The following UXS1 variants were observed in gnomAD, a reference collection of about 807,000 sequenced individuals.
UXS1 encodes the protein UDP-glucuronate decarboxylase 1, also known as UDP-glucuronic acid decarboxylase 1.
A neutral mutation model predicts 62.6 loss-of-function variants in UXS1; 33 were observed. That is an observed-to-expected ratio of 0.53 (90% CI 0.40 to 0.70). UXS1 has a LOEUF of 0.70. Ranked by LOEUF, UXS1 falls within the 30% of genes least tolerant of loss-of-function variation. The probability of loss-of-function intolerance (pLI) is 0.00; values close to 1 mark genes in which losing one functional copy is unlikely to be tolerated. For missense variants in UXS1, 434 were observed against 556.3 expected, an observed-to-expected ratio of 0.78 and a Z score of 2.21; for synonymous variants, 213 against 206.8, an observed-to-expected ratio of 1.03 and a Z score of -0.26.
At position 106,104,780 on chromosome 2, in the gene UXS1, C is replaced by A. The variant is rs1286156402; in HGVS notation, c.923+14G>T. 2.5e-6 allele frequency: 4 copies of A among 1,613,838 alleles called. No homozygotes were observed. In the African/African-American group the frequency reaches 4.0e-5, roughly 16 times the overall value. On this transcript the variant is annotated intron_variant, in intron 11 of 14. Coordinates refer to ENST00000283148, the MANE Select transcript of UXS1 (RefSeq NM_001253875.2). Reference sequence around the variant, plus strand: ...AAGCACTGCTAAGGCTGGGGCAGGGCAGGACAGTCTTACCTGACGTACTGG... The same window carrying A: ...AAGCACTGCTAAGGCTGGGGCAGGGAAGGACAGTCTTACCTGACGTACTGG...
chr2:106,136,938 A>G (rs1048522498), intron 6 of UXS1, among the ~76,000 whole-genome samples: 5 of 147,440 alleles, frequency 3.4e-5, no homozygotes, highest in African/African-American at 1.2e-4. Context: ...AGAAAAAAAA[A>G]AAGAATGGAG....
chr2:106,108,684 G>A (rs888635586), intron 10 of UXS1, among the ~76,000 whole-genome samples: 3 of 152,178 alleles, frequency 2.0e-5, no homozygotes, highest in Non-Finnish European at 2.9e-5. Context: ...CTGTGTGCAG[G>A]TCAAAGCAGC....
At chr2:106,174,503 T>C (rs1683754954) in intron 1 of UXS1, among the ~76,000 whole-genome samples, 1 of 152,204 alleles carries the variant, frequency 6.6e-6, no homozygotes, top group African/African-American at 2.4e-5. Flanking sequence ...CTGAGATAAG[T>C]ACATGCTTAG....
At chr2:106,145,442 G>A (rs888143007) in intron 5 of UXS1, 72 bp from the exon 6 acceptor site, 20 of 1,487,332 alleles carry the variant, frequency 1.3e-5, no homozygotes, top group Admixed American at 4.8e-5. Flanking sequence ...CCAGCTCCAC[G>A]GAGAGACATC....
chr2:106,163,375 C>G (rs903805929), intron 4 of UXS1, among the ~76,000 whole-genome samples: 10 of 152,162 alleles, frequency 6.6e-5, no homozygotes, highest in Non-Finnish European at 1.3e-4. Flanking sequence ...GGAATTCTAT[C>G]CCACTGATCA....
chr2:106,128,365 G>A (rs182167313), intron 7 of UXS1, among the ~76,000 whole-genome samples: 18 of 152,310 alleles, frequency 1.2e-4, no homozygotes, highest in Admixed American at 4.6e-4. Flanking sequence ...TTCATTTTAT[G>A]TGTCAACTTA....
intron 1 of UXS1, among the ~76,000 whole-genome samples, chr2:106,177,488 G>A (rs1054777664): frequency 3.9e-5 from 6 of 152,304 alleles, no homozygotes; most frequent in Non-Finnish European, 7.3e-5. Context: ...GAGCCACCAA[G>A]CCCGGCCTAG....
At chr2:106,094,740 G>C (rs534485583) in intron 14 of UXS1, among the ~76,000 whole-genome samples, 1 of 152,322 alleles carries the variant, frequency 6.6e-6, no homozygotes, top group African/African-American at 2.4e-5. Context: ...AAGCTGCTTT[G>C]CAGCCAACAG....
chr2:106,180,612 A>G (rs1315628856), intron 1 of UXS1, among the ~76,000 whole-genome samples: 1 of 152,204 alleles, frequency 6.6e-6, no homozygotes, highest in Non-Finnish European at 1.5e-5. Flanking sequence ...AAACTTGGAA[A>G]CACGTTGCAC....
intron 5 of UXS1, among the ~76,000 whole-genome samples, chr2:106,149,553 G>A (rs189214940): frequency 2.6e-5 from 4 of 152,160 alleles, no homozygotes; most frequent in Admixed American, 2.6e-4. Flanking sequence ...ACTACGTGAT[G>A]ACATAGCAAG....
intron 9 of UXS1, among the ~76,000 whole-genome samples, chr2:106,122,012 C>T (rs1313740383): frequency 1.3e-5 from 2 of 152,178 alleles, no homozygotes; most frequent in Admixed American, 6.5e-5. Context: ...GTCAGGAAAA[C>T]TCCTGGATGC....
intron 6 of UXS1, among the ~76,000 whole-genome samples, chr2:106,130,043 A>C (rs1264882105): frequency 1.3e-5 from 2 of 152,148 alleles, no homozygotes; most frequent in Non-Finnish European, 2.9e-5. Context: ...TACTGAGTTG[A>C]TTGTTTTCTG....
At position 106,180,311 on chromosome 2, in the gene UXS1, CTG is replaced by C. The variant is rs199551694; in HGVS notation, c.94+13835_94+13836del. ...TTCCATATACTTCCAGACTGTTTGACTGTTAAAATTATGAATTAAAACTAAGC... is the reference window on the plus strand; with the variant it reads ...TTCCATATACTTCCAGACTGTTTGACTTAAAATTATGAATTAAAACTAAGC... On this transcript the variant is annotated intron_variant, in intron 1 of 14. Coordinates refer to ENST00000283148, the MANE Select transcript of UXS1 (RefSeq NM_001253875.2). Among the ~76,000 whole-genome samples, 709 of 152,332 alleles carry C rather than the reference CTG, an allele frequency of 4.7e-3. 7 individuals are homozygous for C. Among genetic ancestry groups the C allele is most frequent in the African/African-American group, 0.016 (653 of 41,558 alleles).
intron 1 of UXS1, among the ~76,000 whole-genome samples, chr2:106,175,453 T>G (rs1683820155): frequency 6.6e-6 from 1 of 152,196 alleles, no homozygotes; most frequent in African/African-American, 2.4e-5. Context: ...ATCCAAAAAT[T>G]ATCTGGCACA....
intron 5 of UXS1, among the ~76,000 whole-genome samples, chr2:106,153,647 T>C (rs1406008904): frequency 6.6e-6 from 1 of 152,084 alleles, no homozygotes; most frequent in Admixed American, 6.5e-5. Flanking sequence ...CTACAACAAA[T>C]TACAAGACAT....
intron 10 of UXS1, among the ~76,000 whole-genome samples, chr2:106,108,757 C>T (rs1271407606): frequency 6.6e-6 from 1 of 152,110 alleles, no homozygotes. Context: ...CAGCGAGGAG[C>T]TCTCATGATC....
rs1263205263 is a variant in UXS1, at chr2:106,125,633, C to T, written c.624G>A (p.Ser208=). Residue 208 remains serine (S), a synonymous_variant, in exon 8 of 15, where the codon TCG becomes TCA. Transcript: ENST00000283148. The part of the protein sequence containing the change: ...VGARLLLAST[S]EVYGDPEVHP... ...CCTCCTACTCACCTCCATACACCTCCGATGTGGAGGCCAGGAGCAGACGGG... is the reference window on the plus strand; with the variant it reads ...CCTCCTACTCACCTCCATACACCTCTGATGTGGAGGCCAGGAGCAGACGGG... The T allele has an allele frequency of 3.2e-6, 5 of 1,577,180 alleles. No individual in the cohort carries two copies. Among genetic ancestry groups the T allele is most frequent in the East Asian group, 2.3e-5 (1 of 42,788 alleles).
chr2:106,148,258 T>G (rs943594032), intron 5 of UXS1, among the ~76,000 whole-genome samples: 1 of 152,264 alleles, frequency 6.6e-6, no homozygotes, highest in African/African-American at 2.4e-5. Flanking sequence ...TAATTGAAAT[T>G]CAAAGTTGAC....
chr2:106,150,765 T>G (rs998584901), intron 5 of UXS1, among the ~76,000 whole-genome samples: 1 of 152,126 alleles, frequency 6.6e-6, no homozygotes, highest in African/African-American at 2.4e-5. Context: ...ACTCCGGAAC[T>G]GTAAAGCTAC....
Sources: allele counts gnomAD v4.1 joint callset (sites outside exome capture counted in the v4.1 genomes callset), GRCh38; gene constraint gnomAD v4.1.1; transcripts MANE v1.5; gene names NCBI Gene and HGNC (gene_info 2026-07-23, HGNC 2026-07-21).